EHMT1: variants seen among roughly 807,000 people sequenced by gnomAD.
The protein encoded by EHMT1 is euchromatic histone lysine methyltransferase 1.
A neutral mutation model predicts 147.2 loss-of-function variants in EHMT1; 15 were observed. That is an observed-to-expected ratio of 0.10 (90% CI 0.07 to 0.16). EHMT1 has a LOEUF of 0.16. EHMT1 is among the 10% of genes least tolerant of loss of function. EHMT1 has a pLI of 1.00. For missense variants in EHMT1, 1,587 were observed against 1,772.4 expected (o/e 0.90, Z 1.88); for synonymous variants, 795 against 709.6 (o/e 1.12, Z -1.91).
chr9:137,678,165 A>G (rs996410079), intron 1 of EHMT1, among the ~76,000 whole-genome samples: 3 of 152,198 alleles, frequency 2.0e-5, no homozygotes, highest in Non-Finnish European at 4.4e-5. Flanking sequence ...AATATAAAAA[A>G]TCTGTAAGGG....
At chr9:137,647,164 A>G (rs1844954424) in intron 1 of EHMT1, among the ~76,000 whole-genome samples, 2 of 152,046 alleles carry the variant, frequency 1.3e-5, no homozygotes, top group Admixed American at 6.6e-5. Flanking sequence ...CCTGACTTCT[A>G]AATATTGACG....
chr9:137,701,942 C>T (rs143694843), intron 1 of EHMT1, among the ~76,000 whole-genome samples: 14 of 152,142 alleles, frequency 9.2e-5, no homozygotes, highest in Admixed American at 1.3e-4. Flanking sequence ...TACAGGTGCC[C>T]GCCACCATGT....
intron 3 of EHMT1, among the ~76,000 whole-genome samples, chr9:137,726,608 C>T (rs997411048): frequency 2.0e-5 from 3 of 152,180 alleles, no homozygotes; most frequent in African/African-American, 7.2e-5. Flanking sequence ...CTTCAAGACC[C>T]TGCTTTCAGT....
Position 137,718,620 on chromosome 9 carries a change from T to A in EHMT1, c.642+1438T>A, listed in dbSNP as rs145933838. On this transcript the variant is annotated intron_variant, in intron 3 of 26. Coordinates refer to ENST00000460843, the MANE Select transcript of EHMT1 (RefSeq NM_024757.5). ...CTGTCCTCCTGGGCAGTTCTCTGTC[T>A]GTTTCCAGCTTCCTTACTGGTTCCT... 6.6e-5 allele frequency among the ~76,000 whole-genome samples: 10 copies of A among 152,338 alleles called. No homozygotes were observed. The East Asian group carries it at 1.9e-3, about 29-fold the overall frequency.
intron 9 of EHMT1, among the ~76,000 whole-genome samples, chr9:137,760,807 A>G (rs1488358726): frequency 6.6e-6 from 1 of 152,232 alleles, no homozygotes; most frequent in Non-Finnish European, 1.5e-5. Flanking sequence ...CAGGAGATCG[A>G]GACCATCCTG....
rs548417219 is a variant in EHMT1 at position 137,775,038 on chromosome 9, C to T, written c.1648-71C>T. On this transcript the variant is annotated intron_variant, in intron 10 of 26. Coordinates refer to ENST00000460843, the MANE Select transcript of EHMT1 (RefSeq NM_024757.5). This position sits in a 1 kb window ranked among gnomAD's most constrained non-coding sequence, Gnocchi z 6.1. Reference sequence around the variant, plus strand: ...GCAGCTCTTGTGTGCCTGCACTGCCCAGCGCCTGGTGGGAGGGAATGCCGG... The same window carrying T: ...GCAGCTCTTGTGTGCCTGCACTGCCTAGCGCCTGGTGGGAGGGAATGCCGG... The T allele has an allele frequency of 4.4e-6, 7 of 1,607,726 alleles. No homozygotes were observed. In the Admixed American group the frequency reaches 5.0e-5, roughly 11 times the overall value.
Position 137,798,874 on chromosome 9 carries a change from A to G in EHMT1, c.2567A>G (p.Gln856Arg). ...AAGAAAGGCCACTACGAAGTGGTCC[A>G]GTACCTGCTTTCAAATGGACAGATG... ...AAKKGHYEVV[Q>R]YLLSNGQMDV... is the part of the protein sequence containing the mutation. Residue 856 changes from glutamine to arginine, a missense_variant, in exon 17 of 27, where the codon CAG (glutamine) becomes CGG (arginine). Coordinates refer to ENST00000460843, the MANE Select transcript of EHMT1 (RefSeq NM_024757.5). 1.2e-6 allele frequency: 2 copies of G among 1,614,224 alleles called. No individual in the cohort carries two copies. Among genetic ancestry groups the G allele is most frequent in the Non-Finnish European group, 8.5e-7 (1 of 1,180,030 alleles).
intron 18 of EHMT1, among the ~76,000 whole-genome samples, chr9:137,807,642 G>A (rs1954062927): frequency 6.6e-6 from 1 of 152,074 alleles, no homozygotes; most frequent in Non-Finnish European, 1.5e-5. Context: ...CGAGTAACTG[G>A]AATTACAGGC....
chr9:137,683,474 G>A (rs1028073768), intron 1 of EHMT1, among the ~76,000 whole-genome samples: 2 of 152,206 alleles, frequency 1.3e-5, no homozygotes, highest in Admixed American at 6.5e-5. Context: ...ATGAGGTCAT[G>A]TTATGTTGCC....
intron 2 of EHMT1, among the ~76,000 whole-genome samples, chr9:137,714,396 T>C (rs1239863296): frequency 2.0e-5 from 3 of 152,130 alleles, no homozygotes; most frequent in African/African-American, 7.2e-5. Flanking sequence ...TGTGGTTTTG[T>C]CCTTTATTTT....
chr9:137,749,903 A>G (rs1948836281), intron 6 of EHMT1, among the ~76,000 whole-genome samples: 1 of 152,234 alleles, frequency 6.6e-6, no homozygotes, highest in Non-Finnish European at 1.5e-5. Context: ...TGCTTATAGA[A>G]GGGTTAGAAC....
chr9:137,692,799 T>C (rs369738040), intron 1 of EHMT1, among the ~76,000 whole-genome samples: 62 of 152,248 alleles, frequency 4.1e-4, no homozygotes, highest in African/African-American at 1.4e-3. Flanking sequence ...CAGTGCGCAG[T>C]GTCTGTTGCT....
At chr9:137,719,839 A>G (rs1240678847) in intron 3 of EHMT1, among the ~76,000 whole-genome samples, 59 of 142,246 alleles carry the variant, frequency 4.1e-4, no homozygotes, top group African/African-American at 9.7e-4. Flanking sequence ...CCACACCAGG[A>G]CACATGAGGT....
At chr9:137,694,689 G>A (rs1199419440) in intron 1 of EHMT1, among the ~76,000 whole-genome samples, 1 of 152,234 alleles carries the variant, frequency 6.6e-6, no homozygotes, top group African/African-American at 2.4e-5. Context: ...CCAGTCAGCA[G>A]CCCAACCATG....
intron 9 of EHMT1, among the ~76,000 whole-genome samples, chr9:137,761,627 ATTTTTT>A (rs112611649): frequency 1.4e-5 from 2 of 145,602 alleles, no homozygotes; most frequent in Admixed American, 6.8e-5. Context: ...TAATTTTTGT[ATTTTTT>A]TTTTTAGTAG....
intron 15 of EHMT1, chr9:137,784,029 T>TTAG (rs1951766843): frequency 1.4e-6 from 1 of 696,616 alleles, no homozygotes; most frequent in African/African-American, 1.8e-5. Flanking sequence ...TCTAGCTGTC[T>TTAG]TAGTCCATTT....
chr9:137,772,578 C>T (rs1347523243), intron 10 of EHMT1, among the ~76,000 whole-genome samples: 1 of 152,254 alleles, frequency 6.6e-6, no homozygotes, highest in Admixed American at 6.5e-5. Context: ...TTTAGCCTTC[C>T]AGGGTTCTGC....
chr9:137,708,191 T>C (rs753377784), intron 1 of EHMT1, among the ~76,000 whole-genome samples: 2 of 152,256 alleles, frequency 1.3e-5, no homozygotes, highest in Non-Finnish European at 2.9e-5. Context: ...TTGGTCCATC[T>C]CTGTCATGTC....
In EHMT1 at chr9:137,813,225, T is replaced by G. The variant is rs1324855429; in HGVS notation, c.3035+52T>G. On this transcript the variant is annotated intron_variant, in intron 20 of 26. Coordinates refer to ENST00000460843, the MANE Select transcript of EHMT1 (RefSeq NM_024757.5). The surrounding 1 kb of genome is among the most constrained non-coding windows in gnomAD (Gnocchi z 4.9). The stretch of plus-strand genomic sequence containing the variant: ...TGGCAAATCAGCGGTCAGCAGGGCT[T>G]TGGGAACTTGCGGTGAAAGCTGCTC... 6 of 1,593,952 alleles carry G rather than the reference T, an allele frequency of 3.8e-6. No individual in the cohort carries two copies. Among genetic ancestry groups the G allele is most frequent in the Non-Finnish European group, 5.1e-6 (6 of 1,175,942 alleles).
Sources: allele counts gnomAD v4.1 joint callset (sites outside exome capture counted in the v4.1 genomes callset), GRCh38; gene constraint gnomAD v4.1.1; non-coding constraint Gnocchi (gnomAD v3.1); transcripts MANE v1.5; gene names NCBI Gene and HGNC (gene_info 2026-07-23, HGNC 2026-07-21).